Variants in OR2J3 observed in about 807,000 individuals in gnomAD.
OR2J3 encodes the protein olfactory receptor family 2 subfamily J member 3.
In OR2J3, 13 loss-of-function variants were observed where a neutral mutation model predicts 18.5. That is an observed-to-expected ratio of 0.70 (90% CI 0.46 to 1.12). OR2J3 has a LOEUF of 1.12. OR2J3 is among the 50% of genes most tolerant of loss of function. The pLI is 0.00. For missense variants in OR2J3, 321 were observed against 371.6 expected, an observed-to-expected ratio of 0.86 and a Z score of 1.12; for synonymous variants, 142 against 140.6, an observed-to-expected ratio of 1.01 and a Z score of -0.07.
At chr6:29,111,733 A>G (rs1762131299) in intron 3 of OR2J3, 148 bp from the exon 4 acceptor site, 1 of 649,348 alleles carries the variant, frequency 1.5e-6, no homozygotes, top group South Asian at 2.2e-5. Flanking sequence ...CTTTTGTTAA[A>G]TTCATTACTA....
In OR2J3 at chr6:29,112,121, C is replaced by G; in HGVS notation, c.231C>G (p.Thr77=). 1.2e-6 allele frequency: 2 copies of G among 1,614,102 alleles called. No homozygotes were observed. The highest frequency in any genetic ancestry group is 1.7e-6 in the Non-Finnish European group (2 of 1,180,030). ...SNLSFLDLCY[T]TSSIPQLLVN... ...TCTCATTTCTGGATCTCTGCTACAC[C>G]ACCAGCTCTATCCCTCAGTTGCTGG... is the stretch of plus-strand genomic sequence containing the variant. Residue 77 remains threonine (T), a synonymous_variant, in exon 4 of 4, where the codon ACC becomes ACG. Coordinates refer to ENST00000641151, the MANE Select transcript of OR2J3 (RefSeq NM_001005216.4).
Position 29,111,942 on chromosome 6 carries a change from G to C in OR2J3, c.52G>C (p.Val18Leu), listed in dbSNP as rs1762140423. 2 of 1,613,794 alleles carry C rather than the reference G, an allele frequency of 1.2e-6. No individual in the cohort carries two copies. The highest frequency in any genetic ancestry group is 1.7e-6 in the Non-Finnish European group (2 of 1,179,950). The change falls in exon 4 of 4, where the codon GTT becomes CTT. Residue 18 changes from valine to leucine, a missense_variant. By Grantham distance (32) the Val-to-Leu change is conservative. Transcript: ENST00000641151. ...NASSEGYFIL[V>L]GFSNWPHLEV... Reference sequence around the variant, plus strand: ...TAGCTCTGAGGGGTACTTTATTTTAGTTGGATTTTCTAATTGGCCTCATCT... The same window carrying C: ...TAGCTCTGAGGGGTACTTTATTTTACTTGGATTTTCTAATTGGCCTCATCT...
chr6:29,111,913 A>T lies in OR2J3; in HGVS notation c.23A>T (p.Asn8Ile). 1.2e-6 allele frequency: 2 copies of T among 1,613,082 alleles called. No homozygotes were observed. The highest frequency in any genetic ancestry group is 1.7e-6 in the Non-Finnish European group (2 of 1,179,624). MNDDGKVNASSEGYFILV... is the reference protein window; with the variant it reads MNDDGKVIASSEGYFILV... ...GAAATGAATGATGATGGAAAAGTCA[A>T]TGCTAGCTCTGAGGGGTACTTTATT... Residue 8 changes from asparagine (N) to isoleucine (I), a missense_variant, in exon 4 of 4, where the codon AAT becomes ATT. Asn to Ile is a moderately radical substitution (Grantham distance 149, BLOSUM62 -3). Coordinates refer to ENST00000641151, the MANE Select transcript of OR2J3 (RefSeq NM_001005216.4).
In OR2J3 at chr6:29,113,594, C is replaced by T. The variant is rs1762232063; in HGVS notation, c.*768C>T. The T allele has an allele frequency of 1.3e-5, 2 of 152,068 alleles. No individual in the cohort carries two copies. 9.4% of individuals were successfully genotyped at this position (152,068 alleles called of 1,614,324 possible). On this transcript the variant is annotated 3_prime_UTR_variant, in exon 4 of 4. Coordinates refer to ENST00000641151, the MANE Select transcript of OR2J3 (RefSeq NM_001005216.4). ...GTAAGTGCTTGGAGCAACTGCATTA[C>T]CTAAGGAACTAAGGAAAACATTTGA...
intron 3 of OR2J3, among the ~76,000 whole-genome samples, chr6:29,110,855 T>TTATCTATCTATCTATC (rs9280546): frequency 8.7e-5 from 13 of 149,260 alleles, no homozygotes; most frequent in Non-Finnish European, 1.5e-4. Flanking sequence ...ATCTATCTAT[T>TTATCTATCTATCTATC]TATCTATCTA....
In OR2J3 at chr6:29,112,570, C is replaced by T. The variant is rs768318009; in HGVS notation, c.680C>T (p.Ala227Val). Residue 227 changes from alanine (A) to valine (V), a missense_variant, in exon 4 of 4, where the codon GCT becomes GTT. By Grantham distance (64) the Ala-to-Val change is moderately conservative. Coordinates refer to ENST00000641151, the MANE Select transcript of OR2J3 (RefSeq NM_001005216.4). ...ACTTCTTATGGTGCCATCGTCCGAG[C>T]TATACTGAGGATGCAGTCAACCACT... Reference protein sequence around the residue: ...ILTSYGAIVRAILRMQSTTGL... With the variant: ...ILTSYGAIVRVILRMQSTTGL... 3 of 1,613,924 alleles carry T rather than the reference C, an allele frequency of 1.9e-6. No individual in the cohort carries two copies. Among genetic ancestry groups the T allele is most frequent in the African/African-American group, 1.3e-5 (1 of 74,912 alleles).
chr6:29,109,256 T>C (rs916105737), intron 3 of OR2J3, among the ~76,000 whole-genome samples: 3 of 152,322 alleles, frequency 2.0e-5, no homozygotes, highest in South Asian at 2.1e-4. Context: ...TTTAAAACAA[T>C]GTGCAGACTG....
At chr6:29,109,020 T>A (rs902580002) in intron 3 of OR2J3, 145 bp downstream of exon 3, 1 of 152,186 alleles carries the variant, frequency 6.6e-6, no homozygotes, top group Non-Finnish European at 1.5e-5. Context: ...TCGAGGCAAC[T>A]GTACAAGAAA....
intron 3 of OR2J3, among the ~76,000 whole-genome samples, chr6:29,110,539 T>G (rs9468485): frequency 0.025 from 3,751 of 152,194 alleles, 139 homozygotes; most frequent in African/African-American, 0.084. Flanking sequence ...CAAAGAAAGA[T>G]TTTGTGTTTT....
Position 29,112,495 on chromosome 6 carries a change from T to C in OR2J3, c.605T>C (p.Leu202Pro), listed in dbSNP as rs1325047475. The C allele has an allele frequency of 1.9e-6, 3 of 1,614,156 alleles. No individual in the cohort carries two copies. The highest frequency in any genetic ancestry group is 2.5e-6 in the Non-Finnish European group (3 of 1,180,022). Reference sequence around the variant, plus strand: ...GATACCCATGTCAATGAGCTGACCCTCATGATCACAAGCTCCATATTTGTT... The same window carrying C: ...GATACCCATGTCAATGAGCTGACCCCCATGATCACAAGCTCCATATTTGTT... ...CVDTHVNELT[L>P]MITSSIFVLI... Residue 202 changes from leucine to proline, a missense_variant, in exon 4 of 4, where the codon CTC (leucine) becomes CCC (proline). Physicochemically the swap from Leu to Pro is moderately conservative, Grantham distance 98. Transcript: ENST00000641151.
chr6:29,113,708 A>G lies in OR2J3; in HGVS notation c.*882A>G, dbSNP rs1192305059. On this transcript the variant is annotated 3_prime_UTR_variant, in exon 4 of 4. Coordinates refer to ENST00000641151, the MANE Select transcript of OR2J3 (RefSeq NM_001005216.4). ...ATATATTGGAAAAATTTTATGATAGAAACTGTCATATGGAAAATGATAGCT... is the reference window on the plus strand; with the variant it reads ...ATATATTGGAAAAATTTTATGATAGGAACTGTCATATGGAAAATGATAGCT... 1.3e-5 allele frequency: 2 copies of G among 152,164 alleles called. No individual in the cohort carries two copies. The highest frequency in any genetic ancestry group is 4.8e-5 in the African/African-American group (2 of 41,436). 9.4% of individuals were successfully genotyped at this position (152,164 alleles called of 1,614,324 possible).
At chr6:29,111,525 C>A in intron 3 of OR2J3, 1 of 186,302 alleles carries the variant, frequency 5.4e-6, no homozygotes, top group Middle Eastern at 2.2e-3. Flanking sequence ...ATATTTTAGA[C>A]TATTTTAGAT....
rs1223586906 is a variant in OR2J3 at position 29,112,978 on chromosome 6, G to C, written c.*152G>C. The C allele has an allele frequency of 1.1e-6, 1 of 900,374 alleles. No homozygotes were observed. Among genetic ancestry groups the C allele is most frequent in the Non-Finnish European group, 1.6e-6 (1 of 613,878 alleles). The allele number at this position is 900,374 out of a possible 1,614,324, so 55.8% of individuals were successfully genotyped here. On this transcript the variant is annotated 3_prime_UTR_variant, in exon 4 of 4. Transcript: ENST00000641151. ...CAAGGTCGTGGAGTTCCTGGTAACA[G>C]GTAGGAATAAAACACAGTCAGCCTA... is the stretch of plus-strand genomic sequence containing the variant.
intron 3 of OR2J3, 165 bp from the exon 4 acceptor site, chr6:29,111,716 A>C (rs1762130830): frequency 3.3e-6 from 2 of 608,650 alleles, no homozygotes; most frequent in Non-Finnish European, 5.6e-6. Flanking sequence ...TGAGCTTTAT[A>C]ATTCTTCTTT....
rs1285424816 is a variant in OR2J3 at position 29,108,226 on chromosome 6, T to C, written c.-250T>C. ...GAGGGCATCAGCTAGGAAGACAATA[T>C]ACAGGGAATGTGGACAGATACAGGA... On this transcript the variant is annotated 5_prime_UTR_variant, in exon 1 of 4. Transcript: ENST00000641151. The C allele has an allele frequency of 6.6e-6, 1 of 152,164 alleles. No individual in the cohort carries two copies. Among genetic ancestry groups the C allele is most frequent in the Non-Finnish European group, 1.5e-5 (1 of 68,060 alleles). 9.4% of individuals were successfully genotyped at this position (152,164 alleles called of 1,614,324 possible). A position where few individuals can be genotyped will look rare whatever the true frequency, so the allele number is the denominator to read the frequency against.
Position 29,113,686 on chromosome 6 carries a change from T to C in OR2J3, c.*860T>C, listed in dbSNP as rs1372133546. On this transcript the variant is annotated 3_prime_UTR_variant, in exon 4 of 4. Transcript: ENST00000641151. ...TGTATGAAAGAATTATGTGAAAATA[T>C]ATTGGAAAAATTTTATGATAGAAAC... The C allele has an allele frequency of 1.3e-5, 2 of 152,138 alleles. No homozygotes were observed. Among genetic ancestry groups the C allele is most frequent in the African/African-American group, 2.4e-5 (1 of 41,426 alleles). 9.4% of individuals were successfully genotyped at this position (152,138 alleles called of 1,614,324 possible). A position where few individuals can be genotyped will look rare whatever the true frequency, so the allele number is the denominator to read the frequency against.
In OR2J3 at chr6:29,113,699, T is replaced by G. The variant is rs1037408662; in HGVS notation, c.*873T>G. 3.3e-5 allele frequency: 5 copies of G among 152,182 alleles called. No individual in the cohort carries two copies. Among genetic ancestry groups the G allele is most frequent in the African/African-American group, 1.2e-4 (5 of 41,434 alleles). 9.4% of individuals were successfully genotyped at this position (152,182 alleles called of 1,614,324 possible). ...TATGTGAAAATATATTGGAAAAATT[T>G]TATGATAGAAACTGTCATATGGAAA... is the stretch of plus-strand genomic sequence containing the variant. On this transcript the variant is annotated 3_prime_UTR_variant, in exon 4 of 4. Coordinates refer to ENST00000641151, the MANE Select transcript of OR2J3 (RefSeq NM_001005216.4).
chr6:29,112,241 A>G lies in OR2J3; in HGVS notation c.351A>G (p.Leu117=), dbSNP rs765162167. The change falls in exon 4 of 4, where the codon CTA becomes CTG. Residue 117 remains leucine (L), a synonymous_variant. Transcript: ENST00000641151. ...VLALGTTECV[L]LVVMSYDRYA... is the part of the protein sequence containing the mutation. ...CACTGGGAACCACAGAGTGTGTCCT[A>G]CTGGTGGTGATGTCCTATGACCGTT... The G allele has an allele frequency of 1.9e-6, 3 of 1,614,080 alleles. No individual in the cohort carries two copies. Among genetic ancestry groups the G allele is most frequent in the South Asian group, 2.2e-5 (2 of 91,072 alleles).
rs1762138012 is a variant in OR2J3 at position 29,111,900 on chromosome 6, G to T, written c.10G>T (p.Asp4Tyr). 6.2e-7 allele frequency: 1 copy of T among 1,607,790 alleles called. No individual in the cohort carries two copies. Among genetic ancestry groups the T allele is most frequent in the South Asian group, 1.1e-5 (1 of 90,034 alleles). The part of the protein sequence containing the change: MND[D>Y]GKVNASSEGY... ...TCTCAGGTAATAGGAAATGAATGAT[G>T]ATGGAAAAGTCAATGCTAGCTCTGA... Residue 4 changes from aspartate (D) to tyrosine (Y), a missense_variant, in exon 4 of 4, where the codon GAT becomes TAT. By Grantham distance (160) the Asp-to-Tyr change is radical. Transcript: ENST00000641151.
Sources: gnomAD v4.1 joint callset for allele counts (sites outside exome capture counted in the v4.1 genomes callset) on GRCh38, gnomAD v4.1.1 for gene constraint, MANE v1.5 for transcripts, NCBI Gene and HGNC (gene_info 2026-07-23, HGNC 2026-07-21) for gene names.